Variants in PI4KA observed in about 807,000 individuals in gnomAD.
The protein encoded by PI4KA is PI4-kinase alpha.
PI4KA carries 122 observed loss-of-function variants against 271.4 expected under a neutral mutation model. That is an observed-to-expected ratio of 0.45 (90% CI 0.39 to 0.52). The LOEUF (loss-of-function observed/expected upper bound fraction) is 0.52, where lower values mean the gene tolerates loss of function less well. Ranked by LOEUF, PI4KA falls within the 20% of genes least tolerant of loss-of-function variation. The pLI is 0.00. For missense variants in PI4KA, 1,969 were observed against 2,769.1 expected, an observed-to-expected ratio of 0.71 and a Z score of 6.48; for synonymous variants, 1,041 against 1,078.8, an observed-to-expected ratio of 0.96 and a Z score of 0.69.
chr22:20,792,420 G>GT (rs927729601), intron 19 of PI4KA, among the ~76,000 whole-genome samples: 3 of 152,184 alleles, frequency 2.0e-5, no homozygotes, highest in African/African-American at 7.2e-5. Context: ...CCCCTCTGGT[G>GT]TACAAGGTGA....
At chr22:20,729,773 T>C (rs191458625) in intron 37 of PI4KA, 62 bp from the exon 38 acceptor site, 16 of 1,577,366 alleles carry the variant, frequency 1.0e-5, no homozygotes, top group Middle Eastern at 1.7e-4. Context: ...CCTGAGATTC[T>C]AAACCTAGAG....
intron 25 of PI4KA, among the ~76,000 whole-genome samples, chr22:20,752,242 G>T (rs1282862030): frequency 1.3e-5 from 2 of 152,184 alleles, no homozygotes; most frequent in African/African-American, 4.8e-5. Flanking sequence ...TCAGACACAC[G>T]CCACGTGTGT....
At chr22:20,753,079 A>G in intron 24 of PI4KA, 31 bp downstream of exon 24, 7 of 1,614,210 alleles carry the variant, frequency 4.3e-6, no homozygotes, top group Non-Finnish European at 5.9e-6. Flanking sequence ...CCTCCAGCAG[A>G]CAGACACGCA....
intron 3 of PI4KA, among the ~76,000 whole-genome samples, chr22:20,832,627 G>C (rs548884182): frequency 4.5e-4 from 69 of 152,066 alleles, no homozygotes; most frequent in African/African-American, 1.5e-3. Context: ...CTAATTTTTT[G>C]TATTTTTAGT....
chr22:20,832,751 G>A (rs572918729), intron 3 of PI4KA, among the ~76,000 whole-genome samples: 16 of 152,232 alleles, frequency 1.1e-4, no homozygotes, highest in African/African-American at 2.2e-4. Flanking sequence ...CACTGTGCCC[G>A]GCCGGTTTTT....
chr22:20,733,268 T>C (rs1928286731), intron 35 of PI4KA, among the ~76,000 whole-genome samples, 170 bp from the exon 36 acceptor site: 1 of 150,566 alleles, frequency 6.6e-6, no homozygotes, highest in South Asian at 2.1e-4. Flanking sequence ...GAAGGTGTGG[T>C]GGCTCGGGAG....
intron 19 of PI4KA, among the ~76,000 whole-genome samples, chr22:20,782,699 G>C (rs1275511701): frequency 1.3e-5 from 2 of 152,158 alleles, no homozygotes; most frequent in African/African-American, 4.8e-5. Context: ...GTCACAACCT[G>C]GGGGGTTGGA....
intron 42 of PI4KA, among the ~76,000 whole-genome samples, chr22:20,723,892 G>A (rs1164753265): frequency 6.6e-6 from 1 of 151,782 alleles, no homozygotes; most frequent in African/African-American, 2.4e-5. Flanking sequence ...AGGCTGGAGA[G>A]CAGTGGCATG....
At chr22:20,775,228 T>G (rs1287806467) in intron 19 of PI4KA, among the ~76,000 whole-genome samples, 1 of 152,194 alleles carries the variant, frequency 6.6e-6, no homozygotes, top group African/African-American at 2.4e-5. Context: ...TTTGAATGAT[T>G]TATCTTTAAA....
chr22:20,767,482 A>C (rs1932638642), intron 19 of PI4KA, among the ~76,000 whole-genome samples: 1 of 151,798 alleles, frequency 6.6e-6, no homozygotes, highest in Non-Finnish European at 1.5e-5. Context: ...TATTTTTGAG[A>C]TAGGGTCTCA....
chr22:20,858,459 A>G, intron 1 of PI4KA, 111 bp downstream of exon 1: 2 of 758,298 alleles, frequency 2.6e-6, no homozygotes, highest in East Asian at 3.5e-5. Flanking sequence ...CCTCCCGCAC[A>G]GGCTGCCGGC....
intron 44 of PI4KA, among the ~76,000 whole-genome samples, chr22:20,718,093 T>A (rs1245261590): frequency 2.0e-5 from 3 of 152,138 alleles, no homozygotes; most frequent in African/African-American, 7.2e-5. Context: ...CCGTCCTTCA[T>A]CTCGTGGGTT....
chr22:20,839,143 G>T (rs1350986164), intron 1 of PI4KA, among the ~76,000 whole-genome samples: 1 of 152,162 alleles, frequency 6.6e-6, no homozygotes, highest in East Asian at 1.9e-4. Flanking sequence ...CTTGAACCCA[G>T]GAGACAGAGG....
At chr22:20,815,779 G>A (rs1464089284) in intron 7 of PI4KA, among the ~76,000 whole-genome samples, 1 of 151,666 alleles carries the variant, frequency 6.6e-6, no homozygotes, top group African/African-American at 2.4e-5. Flanking sequence ...AGAAGGGAAG[G>A]TTGTGATTAT....
At chr22:20,838,134 AC>A (rs1372256208) in intron 2 of PI4KA, among the ~76,000 whole-genome samples, 33 of 151,902 alleles carry the variant, frequency 2.2e-4, no homozygotes, top group African/African-American at 7.3e-4. Flanking sequence ...AAAAAAAAAA[AC>A]AAGATACACT....
intron 8 of PI4KA, among the ~76,000 whole-genome samples, chr22:20,811,607 C>A (rs114252450): frequency 0.024 from 2,649 of 110,502 alleles, no homozygotes; most frequent in Non-Finnish European, 0.026. Context: ...TGCAGAACCA[C>A]AAAAAAAAAA....
At chr22:20,780,141 G>A (rs766250030) in intron 19 of PI4KA, 7 of 1,614,208 alleles carry the variant, frequency 4.3e-6, no homozygotes, top group African/African-American at 1.3e-5. Flanking sequence ...CATAAAAGAT[G>A]CTCTGGAGAA....
intron 3 of PI4KA, among the ~76,000 whole-genome samples, chr22:20,830,457 A>C (rs1160195458): frequency 6.6e-6 from 1 of 152,220 alleles, no homozygotes; most frequent in Non-Finnish European, 1.5e-5. Context: ...TGAAATCAGA[A>C]TAGCAATCCC....
At chr22:20,725,281 C>G (rs1568957289) in intron 42 of PI4KA, 1 of 201,318 alleles carries the variant, frequency 5.0e-6, no homozygotes, top group Non-Finnish European at 1.1e-5. Flanking sequence ...AGTGGGCAGG[C>G]TGGCGCGAGG....
Sources: gnomAD v4.1 joint callset for allele counts (sites outside exome capture counted in the v4.1 genomes callset) on GRCh38, gnomAD v4.1.1 for gene constraint, MANE v1.5 for transcripts, NCBI Gene and HGNC (gene_info 2026-07-23, HGNC 2026-07-21) for gene names.